KCNH8: variants seen among roughly 807,000 people sequenced by gnomAD.
KCNH8 encodes the protein potassium voltage-gated channel subfamily H member 8.
Under a neutral mutation model 103.6 loss-of-function variants are expected in KCNH8, and 70 were observed. The observed-to-expected ratio is 0.68, with a 90% CI of 0.56 to 0.82. The LOEUF (loss-of-function observed/expected upper bound fraction) is 0.82. KCNH8 is among the 40% of genes least tolerant of loss of function. KCNH8 has a pLI of 0.00. For missense variants in KCNH8, 1,217 were observed against 1,329.9 expected, an observed-to-expected ratio of 0.92 and a Z score of 1.32; for synonymous variants, 498 against 489.4, an observed-to-expected ratio of 1.02 and a Z score of -0.23.
At chr3:19,244,303 G>A (rs957751765) in intron 1 of KCNH8, among the ~76,000 whole-genome samples, 5 of 152,162 alleles carry the variant, frequency 3.3e-5, no homozygotes, top group Admixed American at 1.3e-4. Context: ...TGCAAAGGCA[G>A]GAGAAAAGTT....
intron 12 of KCNH8, among the ~76,000 whole-genome samples, chr3:19,512,550 C>T (rs2125242247): frequency 6.6e-6 from 1 of 152,230 alleles, no homozygotes; most frequent in South Asian, 2.1e-4. Flanking sequence ...CCAGTAAAGA[C>T]CCTGTAATTT....
At chr3:19,470,044 C>A (rs1364651407) in intron 11 of KCNH8, among the ~76,000 whole-genome samples, 1 of 151,790 alleles carries the variant, frequency 6.6e-6, no homozygotes, top group Non-Finnish European at 1.5e-5. Context: ...GTTACTTTCA[C>A]CCTTTCTCAA....
At chr3:19,441,905 C>G (rs1195437633) in intron 8 of KCNH8, among the ~76,000 whole-genome samples, 1 of 152,156 alleles carries the variant, frequency 6.6e-6, no homozygotes, top group East Asian at 1.9e-4. Context: ...TAAAAACAAA[C>G]CTTCCCTCAA....
At chr3:19,380,134 A>G (rs1251252000) in intron 5 of KCNH8, among the ~76,000 whole-genome samples, 2 of 152,228 alleles carry the variant, frequency 1.3e-5, no homozygotes, top group Non-Finnish European at 2.9e-5. Flanking sequence ...TATCACTGAG[A>G]AACTCTAGAT....
intron 11 of KCNH8, among the ~76,000 whole-genome samples, chr3:19,505,920 G>A (rs894543489): frequency 4.6e-5 from 7 of 151,990 alleles, no homozygotes; most frequent in South Asian, 2.1e-4. Flanking sequence ...GCCAGTTTTC[G>A]AACTCTGAGA....
intron 3 of KCNH8, among the ~76,000 whole-genome samples, chr3:19,328,674 T>C (rs1436808910): frequency 6.6e-6 from 1 of 152,178 alleles, no homozygotes; most frequent in African/African-American, 2.4e-5. Flanking sequence ...AAGTGAGTGA[T>C]TGCAATTTTT....
chr3:19,336,312 T>C (rs1216172028), intron 3 of KCNH8, among the ~76,000 whole-genome samples: 2 of 151,736 alleles, frequency 1.3e-5, no homozygotes, highest in Non-Finnish European at 3.0e-5. Flanking sequence ...TCTCTTAATA[T>C]AAAAAATTAT....
chr3:19,331,291 GTTATTA>G (rs911773304), intron 3 of KCNH8, among the ~76,000 whole-genome samples: 2 of 111,692 alleles, frequency 1.8e-5, no homozygotes, highest in East Asian at 2.2e-4. Flanking sequence ...ATTTATTGTT[GTTATTA>G]TTATTATTAT....
intron 1 of KCNH8, among the ~76,000 whole-genome samples, chr3:19,231,358 T>A (rs1397125209): frequency 6.6e-6 from 1 of 152,182 alleles, no homozygotes; most frequent in African/African-American, 2.4e-5. Flanking sequence ...ATGCTCGGTA[T>A]GTTGTAGATA....
intron 1 of KCNH8, among the ~76,000 whole-genome samples, chr3:19,208,741 A>T (rs1315693533): frequency 6.6e-6 from 1 of 151,998 alleles, no homozygotes; most frequent in African/African-American, 2.4e-5. Flanking sequence ...GGAATTAAGA[A>T]AGCCAAAAGA....
At position 19,347,822 on chromosome 3, in the gene KCNH8, G is replaced by T; in HGVS notation, c.668G>T (p.Gly223Val). ...ILLHFSTFKAGWDWLILLATF... is the reference protein window; with the variant it reads ...ILLHFSTFKAVWDWLILLATF... Reference sequence around the variant, plus strand: ...CTGCATTTTAGCACTTTTAAAGCTGGCTGGGACTGGCTTATTTTGTTGGCA... The same window carrying T: ...CTGCATTTTAGCACTTTTAAAGCTGTCTGGGACTGGCTTATTTTGTTGGCA... Residue 223 changes from glycine to valine, a missense_variant, in exon 5 of 16, where the codon GGC becomes GTC. Coordinates refer to ENST00000328405, the MANE Select transcript of KCNH8 (RefSeq NM_144633.3). 6.2e-7 allele frequency: 1 copy of T among 1,613,336 alleles called. No individual in the cohort carries two copies. The highest frequency in any genetic ancestry group is 2.2e-5 in the East Asian group (1 of 44,862).
intron 1 of KCNH8, among the ~76,000 whole-genome samples, chr3:19,248,982 G>C (rs185212662): frequency 6.6e-6 from 1 of 152,190 alleles, no homozygotes; most frequent in African/African-American, 2.4e-5. Context: ...ATAGTCAGCT[G>C]CCTAGTGTAT....
rs543581957 is a variant in KCNH8, at chr3:19,466,528, C to T, written c.2040+9546C>T. Among the ~76,000 whole-genome samples, 3 of 152,160 alleles carry T rather than the reference C, an allele frequency of 2.0e-5. 1 individual carries two copies. The highest frequency in any genetic ancestry group is 6.8e-3 in the Middle Eastern group (2 of 294). On this transcript the variant is annotated intron_variant, in intron 11 of 15. Transcript: ENST00000328405. ...TCAGAAATTGCTGCAGCCACCCCAGCCTTCAGCAGCCACCACCCTGATTAG... is the reference window on the plus strand; with the variant it reads ...TCAGAAATTGCTGCAGCCACCCCAGTCTTCAGCAGCCACCACCCTGATTAG...
At chr3:19,366,888 A>T (rs1310328264) in intron 5 of KCNH8, among the ~76,000 whole-genome samples, 1 of 152,114 alleles carries the variant, frequency 6.6e-6, no homozygotes. Context: ...TTTTTAGATG[A>T]CAGAAAACAT....
In KCNH8 at chr3:19,513,191, C is replaced by CCCCCAAAACCA; in HGVS notation, c.2301_2302insCCCCAAAACCA (p.Arg768ProfsTer31). ...GAACGGTGCCCTTTCACTCGCCTAT[C>CCCCCAAAACCA]AGAGTCTCCAGGTCAAATTCCCCCA... On this transcript the variant is annotated frameshift_variant, in exon 13 of 16. Transcript: ENST00000328405. LOFTEE classifies it high-confidence loss of function. The CCCCCAAAACCA allele has an allele frequency of 6.2e-7, 1 of 1,613,954 alleles. No individual in the cohort carries two copies. Among genetic ancestry groups the CCCCCAAAACCA allele is most frequent in the South Asian group, 1.1e-5 (1 of 91,076 alleles).
intron 11 of KCNH8, among the ~76,000 whole-genome samples, chr3:19,474,771 T>G (rs186683890): frequency 6.6e-6 from 1 of 152,344 alleles, no homozygotes; most frequent in African/African-American, 2.4e-5. Context: ...GATGACTGAT[T>G]CGTGTGACTG....
In KCNH8 at chr3:19,278,423, G is replaced by A. The variant is rs544451610; in HGVS notation, c.311-2775G>A. ...GGAGGGAGGGAAGGAGGGAGGGAAG[G>A]AGGGAGAGATGGAGGGAGAAAGGCA... On this transcript the variant is annotated intron_variant, in intron 2 of 15. Transcript: ENST00000328405. Among the ~76,000 whole-genome samples the A allele has an allele frequency of 3.4e-3, 493 of 143,544 alleles. 3 individuals carry two copies. The highest frequency in any genetic ancestry group is 0.011 in the Middle Eastern group (3 of 266). 94.2% of individuals were successfully genotyped at this position (143,544 alleles called of 152,430 possible). A position where few individuals can be genotyped will look rare whatever the true frequency, so the allele number is the denominator to read the frequency against.
chr3:19,342,562 T>C, intron 3 of KCNH8, 25 bp from the exon 4 acceptor site: 1 of 1,603,786 alleles, frequency 6.2e-7, no homozygotes, highest in South Asian at 1.1e-5. Flanking sequence ...TGCATGTGTG[T>C]CTAATGAGTT....
At chr3:19,450,058 C>T (rs1170402485) in intron 8 of KCNH8, 48 bp from the exon 9 acceptor site, 9 of 1,473,104 alleles carry the variant, frequency 6.1e-6, no homozygotes, top group Non-Finnish European at 8.5e-6. Context: ...ACGTGGTGGG[C>T]CTCATGTCAC....
Sources: allele counts gnomAD v4.1 joint callset (sites outside exome capture counted in the v4.1 genomes callset), GRCh38; gene constraint gnomAD v4.1.1; transcripts MANE v1.5; gene names NCBI Gene and HGNC (gene_info 2026-07-23, HGNC 2026-07-21).